The following OPA1 variants were observed in gnomAD, a reference collection of about 807,000 sequenced individuals.
OPA1 encodes OPA1 mitochondrial dynamin like GTPase.
OPA1 carries 59 observed loss-of-function variants against 152.9 expected under a neutral mutation model. The ratio of observed to expected loss-of-function variants is 0.39; its 90% CI spans 0.31 to 0.48. The LOEUF (loss-of-function observed/expected upper bound fraction) is 0.48, where lower values mean the gene tolerates loss of function less well. Ranked by LOEUF, OPA1 falls within the 20% of genes least tolerant of loss-of-function variation. OPA1 has a pLI of 0.96. For synonymous variants in OPA1, 400 were observed against 389.9 expected, an observed-to-expected ratio of 1.03 and a Z score of -0.31; for missense variants, 1,008 against 1,216.8, an observed-to-expected ratio of 0.83 and a Z score of 2.55.
At chr3:193,679,126 GTT>G (rs1373904130) in intron 29 of OPA1, among the ~76,000 whole-genome samples, 1 of 152,142 alleles carries the variant, frequency 6.6e-6, no homozygotes, top group African/African-American at 2.4e-5. Flanking sequence ...GCCAGGGCCT[GTT>G]GGGGCGTGGG....
At chr3:193,618,574 C>A in intron 5 of OPA1, 1 of 368,416 alleles carries the variant, frequency 2.7e-6, no homozygotes, top group Non-Finnish European at 5.0e-6. Context: ...TAAGTACTCT[C>A]ATGTAAAATA....
chr3:193,604,507 A>G (rs1726924499), intron 1 of OPA1, among the ~76,000 whole-genome samples: 1 of 152,186 alleles, frequency 6.6e-6, no homozygotes, highest in African/African-American at 2.4e-5. Flanking sequence ...CCTCTCAGGT[A>G]AGAGGGAAAT....
chr3:193,667,315 T>C (rs759716498), intron 29 of OPA1, 35 bp downstream of exon 29: 1 of 918,744 alleles, frequency 1.1e-6, no homozygotes, highest in Non-Finnish European at 1.8e-6. Context: ...CCTTACTACC[T>C]TTCCACCTTT....
intron 7 of OPA1, 41 bp downstream of exon 7, chr3:193,626,243 A>C (rs1384689604): frequency 7.2e-7 from 1 of 1,388,412 alleles, no homozygotes; most frequent in Non-Finnish European, 1.0e-6. Flanking sequence ...CATTCACACT[A>C]ATCAGCCATT....
intron 29 of OPA1, among the ~76,000 whole-genome samples, chr3:193,691,054 A>C (rs968840284): frequency 2.6e-5 from 4 of 152,150 alleles, no homozygotes; most frequent in African/African-American, 9.7e-5. Context: ...TCTCCACAAA[A>C]AAATTAAAAA....
At chr3:193,622,032 C>T (rs995210187) in intron 6 of OPA1, among the ~76,000 whole-genome samples, 11 of 151,986 alleles carry the variant, frequency 7.2e-5, no homozygotes, top group African/African-American at 2.4e-4. Context: ...TATCATGTTT[C>T]TGATTGGTCA....
chr3:193,622,716 A>T (rs1396006329), intron 6 of OPA1, among the ~76,000 whole-genome samples: 1 of 152,144 alleles, frequency 6.6e-6, no homozygotes, highest in Non-Finnish European at 1.5e-5. Flanking sequence ...ATGAAACACT[A>T]TTTACTTTGG....
intron 1 of OPA1, among the ~76,000 whole-genome samples, chr3:193,594,358 GT>G (rs1560298564): frequency 6.6e-6 from 1 of 152,146 alleles, no homozygotes. Context: ...AATTTATCGT[GT>G]TTATAAGGAA....
chr3:193,641,920 G>T (rs1733836484), intron 11 of OPA1, among the ~76,000 whole-genome samples: 1 of 152,166 alleles, frequency 6.6e-6, no homozygotes. Flanking sequence ...TTCAAGACCA[G>T]CCTGGCCAAC....
At chr3:193,640,119 G>A (rs1047451189) in intron 11 of OPA1, among the ~76,000 whole-genome samples, 11 of 152,156 alleles carry the variant, frequency 7.2e-5, no homozygotes, top group African/African-American at 2.7e-4. Flanking sequence ...AGACAGAGGT[G>A]TGGGCCAGAG....
intron 29 of OPA1, among the ~76,000 whole-genome samples, chr3:193,684,176 T>C (rs1399885873): frequency 2.0e-5 from 3 of 152,158 alleles, no homozygotes; most frequent in Admixed American, 1.3e-4. Flanking sequence ...ATGAAAATCA[T>C]GGGGCCCTTT....
At chr3:193,599,971 C>T (rs527990149) in intron 1 of OPA1, among the ~76,000 whole-genome samples, 39 of 152,204 alleles carry the variant, frequency 2.6e-4, no homozygotes, top group Non-Finnish European at 5.4e-4. Context: ...GCAGTTTGAA[C>T]ACTCAGCAGT....
At position 193,618,750 on chromosome 3, in the gene OPA1, T is replaced by C. The variant is rs181430974; in HGVS notation, c.611-119T>C. The stretch of plus-strand genomic sequence containing the variant: ...ATAAGAATAAAGGCGATTTGATTCT[T>C]TGAATCTGAGTTGCTCTAAAAATCC... On this transcript the variant is annotated intron_variant, in intron 5 of 30. Coordinates refer to ENST00000361510, the MANE Select transcript of OPA1 (RefSeq NM_130837.3). 18 of 811,310 alleles carry C rather than the reference T, an allele frequency of 2.2e-5. No individual in the cohort carries two copies. The African/African-American group carries it at 2.9e-4, about 13-fold the overall frequency. The allele number at this position is 811,310 out of a possible 1,614,324, so 50.3% of individuals were successfully genotyped here.
chr3:193,654,737 A>T lies in OPA1; in HGVS notation c.2013-125A>T, dbSNP rs1577286409. On this transcript the variant is annotated intron_variant, in intron 21 of 30. Transcript: ENST00000361510. ...TGGTGCGATTTACAGGTATATACAC[A>T]TGTGAAAACTTATCAAAATTTTAAA... 3 of 948,018 alleles carry T rather than the reference A, an allele frequency of 3.2e-6. No individual in the cohort carries two copies. In the South Asian group the frequency reaches 4.6e-5, roughly 14 times the overall value. The allele number at this position is 948,018 out of a possible 1,614,324, so 58.7% of individuals were successfully genotyped here.
rs1721032178 is a variant in OPA1, at chr3:193,687,106, T to C, written c.2984-4957T>C. Among the ~76,000 whole-genome samples, 3 of 152,322 alleles carry C rather than the reference T, an allele frequency of 2.0e-5. 1 individual carries two copies. The South Asian group carries it at 6.2e-4, about 32-fold the overall frequency. ...ACAGATTAGTCTATATTTGAGACTT[T>C]TAGAGCAAGTATCAGAAGACCCAAA... On this transcript the variant is annotated intron_variant, in intron 29 of 30. Transcript: ENST00000361510.
At chr3:193,607,294 G>A (rs1727440152) in intron 1 of OPA1, among the ~76,000 whole-genome samples, 1 of 152,118 alleles carries the variant, frequency 6.6e-6, no homozygotes, top group South Asian at 2.1e-4. Context: ...GTCAATTTTG[G>A]CTTTTGTTGC....
intron 21 of OPA1, among the ~76,000 whole-genome samples, chr3:193,651,843 A>G (rs535394767): frequency 1.3e-5 from 2 of 152,256 alleles, no homozygotes; most frequent in South Asian, 4.1e-4. Context: ...ACTATGGGGT[A>G]CTTCTTACAT....
chr3:193,643,153 G>A (rs1036177446), intron 13 of OPA1, 104 bp downstream of exon 13: 7 of 978,634 alleles, frequency 7.2e-6, no homozygotes, highest in African/African-American at 4.9e-5. Flanking sequence ...CTGCTATCTA[G>A]ATATGTAGAG....
intron 29 of OPA1, among the ~76,000 whole-genome samples, chr3:193,680,376 A>G (rs183613711): frequency 7.2e-5 from 11 of 152,164 alleles, no homozygotes; most frequent in Non-Finnish European, 1.5e-4. Context: ...TGTCTTTGTA[A>G]CAGCTTGAAG....
Sources: gnomAD v4.1 joint callset for allele counts (sites outside exome capture counted in the v4.1 genomes callset) on GRCh38, gnomAD v4.1.1 for gene constraint, MANE v1.5 for transcripts, NCBI Gene and HGNC (gene_info 2026-07-23, HGNC 2026-07-21) for gene names.